ZMYM2: variants seen among roughly 807,000 people sequenced by gnomAD.
ZMYM2 encodes zinc finger MYM-type protein 2.
A neutral mutation model predicts 162.8 loss-of-function variants in ZMYM2; 56 were observed. That is an observed-to-expected ratio of 0.34 (90% CI 0.28 to 0.43). ZMYM2 has a LOEUF of 0.43. ZMYM2 is among the 20% of genes least tolerant of loss of function. The pLI is 1.00. For missense variants in ZMYM2, 1,275 were observed against 1,621.8 expected (o/e 0.79, Z 3.67); for synonymous variants, 510 against 541.6 (o/e 0.94, Z 0.81).
intron 2 of ZMYM2, among the ~76,000 whole-genome samples, chr13:19,976,587 C>G (rs1956816016): frequency 6.6e-6 from 1 of 152,222 alleles, no homozygotes; most frequent in Non-Finnish European, 1.5e-5. Context: ...CCTCCGGCCC[C>G]TGGTAACCAC....
the ZMYM2 span, among the ~76,000 whole-genome samples, chr13:19,883,958 T>C: frequency 9.9e-5 from 15 of 152,212 alleles, no homozygotes; most frequent in Non-Finnish European, 1.9e-4. Context: ...GGTTTCACCA[T>C]GTTGCGCAGA....
rs1955359314 is a variant in ZMYM2, at chr13:20,051,653, G to T, written c.2458+55G>T. 7 of 1,501,440 alleles carry T rather than the reference G, an allele frequency of 4.7e-6. No homozygotes were observed. The Admixed American group carries it at 1.6e-4, about 35-fold the overall frequency. 93.0% of individuals were successfully genotyped at this position (1,501,440 alleles called of 1,614,324 possible). Reference sequence around the variant, plus strand: ...AACCCTGTACATCAGTCTTTACGTAGTTTTGAATCCAAAGCACTGATAATG... The same window carrying T: ...AACCCTGTACATCAGTCTTTACGTATTTTTGAATCCAAAGCACTGATAATG... On this transcript the variant is annotated intron_variant, in intron 13 of 24. Coordinates refer to ENST00000610343, the MANE Select transcript of ZMYM2 (RefSeq NM_197968.4).
At chr13:20,077,841 T>C (rs975420129) in intron 21 of ZMYM2, among the ~76,000 whole-genome samples, 1 of 41,784 alleles carries the variant, frequency 2.4e-5, no homozygotes, top group African/African-American at 4.4e-5. Context: ...GGTTTTAAGT[T>C]TTTTTCTTTT....
the ZMYM2 span, among the ~76,000 whole-genome samples, chr13:19,879,040 C>T: frequency 6.6e-6 from 1 of 152,148 alleles, no homozygotes; most frequent in Non-Finnish European, 1.5e-5. Context: ...TGTACCTTTA[C>T]TGTCAGAACT....
chr13:20,024,692 GAAAC>G (rs1952423347), intron 7 of ZMYM2: 4 of 220,106 alleles, frequency 1.8e-5, no homozygotes, highest in Admixed American at 1.2e-4. Context: ...TAGACCTCAG[GAAAC>G]AAACAAAAAA....
At chr13:19,989,402 CA>C (rs1413675209) in intron 2 of ZMYM2, among the ~76,000 whole-genome samples, 1 of 152,106 alleles carries the variant, frequency 6.6e-6, no homozygotes, top group African/African-American at 2.4e-5. Flanking sequence ...GTCCCAGGTT[CA>C]AGCGATTTTC....
chr13:20,063,927 ATT>A (rs1956471550), intron 18 of ZMYM2, among the ~76,000 whole-genome samples: 1 of 13,288 alleles, frequency 7.5e-5, no homozygotes, highest in Non-Finnish European at 3.9e-4. Flanking sequence ...TTTTATATAT[ATT>A]ATATAGTTTT....
rs1299737714 is a variant in ZMYM2 at position 19,986,604 on chromosome 13, AGAAAGTTTTAAAAATT to A, written c.-10-6454_-10-6439del. On this transcript the variant is annotated intron_variant, in intron 2 of 24. Coordinates refer to ENST00000610343, the MANE Select transcript of ZMYM2 (RefSeq NM_197968.4). Reference sequence around the variant, plus strand: ...AAAAAATTTTTAACATTTCTATTACAGAAAGTTTTAAAAATTGAAATATACTGAATAACATTTTCAT... The same window carrying A: ...AAAAAATTTTTAACATTTCTATTACAGAAATATACTGAATAACATTTTCAT... Among the ~76,000 whole-genome samples, 4 of 152,306 alleles carry A rather than the reference AGAAAGTTTTAAAAATT, an allele frequency of 2.6e-5. No individual in the cohort carries two copies. The East Asian group carries it at 5.8e-4, about 22-fold the overall frequency.
the ZMYM2 span, among the ~76,000 whole-genome samples, chr13:19,867,629 C>CT: frequency 8.8e-5 from 13 of 148,344 alleles, no homozygotes; most frequent in Admixed American, 4.7e-4. Context: ...CAGTAGGATG[C>CT]TTTTTTTTTT....
At chr13:19,965,222 A>G (rs1212707698) in intron 2 of ZMYM2, 9 of 1,290,748 alleles carry the variant, frequency 7.0e-6, no homozygotes, top group Non-Finnish European at 9.1e-6. Context: ...CTTTATAGCC[A>G]TACATGTGTA....
chr13:19,915,961 G>T, the ZMYM2 span, among the ~76,000 whole-genome samples: 1 of 151,288 alleles, frequency 6.6e-6, no homozygotes, highest in Non-Finnish European at 1.5e-5. Context: ...CCGGGTTCAC[G>T]CCATTCTCCT....
At chr13:19,997,040 A>G (rs1240285462) in intron 3 of ZMYM2, among the ~76,000 whole-genome samples, 4 of 152,188 alleles carry the variant, frequency 2.6e-5, no homozygotes, top group East Asian at 3.8e-4. Context: ...GTGAGACCCA[A>G]TCATAGTCCT....
chr13:19,864,911 T>C, the ZMYM2 span: 2 of 152,310 alleles, frequency 1.3e-5, no homozygotes, highest in African/African-American at 4.8e-5. Context: ...GGACTCCACG[T>C]AAAGATGGAA....
chr13:20,086,952 CTT>C lies in ZMYM2; in HGVS notation c.*939_*940del, dbSNP rs1958310946. 2 of 181,108 alleles carry C rather than the reference CTT, an allele frequency of 1.1e-5. No individual in the cohort carries two copies. Among genetic ancestry groups the C allele is most frequent in the East Asian group, 1.8e-4 (2 of 11,148 alleles). 11.2% of individuals were successfully genotyped at this position (181,108 alleles called of 1,614,324 possible). A position where few individuals can be genotyped will look rare whatever the true frequency, so the allele number is the denominator to read the frequency against. ...TTGATTTTTATTTCTTTTTTTCCCT[CTT>C]AAGGATACAGATCATGCTGCAATGT... is the stretch of plus-strand genomic sequence containing the variant. On this transcript the variant is annotated 3_prime_UTR_variant, in exon 25 of 25. Transcript: ENST00000610343.
chr13:20,020,469 C>G (rs780746213), intron 7 of ZMYM2, among the ~76,000 whole-genome samples: 1 of 152,190 alleles, frequency 6.6e-6, no homozygotes, highest in African/African-American at 2.4e-5. Flanking sequence ...AGGTGATCCA[C>G]CTGCCTCGGC....
chr13:20,070,002 A>G (rs1230708869), intron 21 of ZMYM2, among the ~76,000 whole-genome samples: 1 of 151,656 alleles, frequency 6.6e-6, no homozygotes. Context: ...TTTTCTTTTC[A>G]TCTGCTTCCA....
chr13:19,864,677 C>A, the ZMYM2 span: 1 of 152,524 alleles, frequency 6.6e-6, no homozygotes, highest in Non-Finnish European at 1.5e-5. Context: ...TGCCTGCCAC[C>A]GTCTCCTGGT....
the ZMYM2 span, among the ~76,000 whole-genome samples, chr13:19,909,625 G>A: frequency 6.6e-6 from 1 of 151,722 alleles, no homozygotes; most frequent in Non-Finnish European, 1.5e-5. Context: ...TAGAGACAAG[G>A]TTTCACCACT....
intron 21 of ZMYM2, among the ~76,000 whole-genome samples, chr13:20,076,591 A>G (rs1336821050): frequency 1.3e-5 from 2 of 149,586 alleles, no homozygotes; most frequent in Non-Finnish European, 2.9e-5. Context: ...ATTTTTCCAA[A>G]TTTTTCTCCA....
Sources: gnomAD v4.1 joint callset for allele counts (sites outside exome capture counted in the v4.1 genomes callset) on GRCh38, gnomAD v4.1.1 for gene constraint, MANE v1.5 for transcripts, NCBI Gene and HGNC (gene_info 2026-07-23, HGNC 2026-07-21) for gene names.